The following ODF1 variants were observed in gnomAD, a reference collection of about 807,000 sequenced individuals.
The protein encoded by ODF1 is outer dense fiber of sperm tails 1.
Under a neutral mutation model 24.0 loss-of-function variants are expected in ODF1, and 10 were observed. The observed-to-expected ratio is 0.42, with a 90% confidence interval of 0.26 to 0.71. The LOEUF is 0.71. ODF1 is among the 30% of genes least tolerant of loss of function. The probability of loss-of-function intolerance (pLI) is 0.28; values close to 1 mark genes in which losing one functional copy is unlikely to be tolerated. For missense variants in ODF1, 282 were observed against 307.9 expected (o/e 0.92, Z 0.63); for synonymous variants, 118 against 121.3 (o/e 0.97, Z 0.18).
chr8:102,560,389 C>A, intron 1 of ODF1, 63 bp from the exon 2 acceptor site: 4 of 1,469,110 alleles, frequency 2.7e-6, no homozygotes, highest in Admixed American at 1.8e-5. Flanking sequence ...TATTGCTTCT[C>A]AAGCTGTGTC....
Position 102,560,940 on chromosome 8 carries a change from C to A in ODF1, c.*56C>A. On this transcript the variant is annotated 3_prime_UTR_variant, in exon 2 of 2. Coordinates refer to ENST00000285402, the MANE Select transcript of ODF1 (RefSeq NM_024410.4). ...AGTCAGTTACTCCAGCCAGGCAGCT[C>A]TCCCAATGTTTCTCCTCTCCTTCCC... 1 of 1,488,696 alleles carries A rather than the reference C, an allele frequency of 6.7e-7. No individual in the cohort carries two copies. The allele number at this position is 1,488,696 out of a possible 1,614,324, so 92.2% of individuals were successfully genotyped here.
chr8:102,555,714 ATTCTCT>A (rs1402837875), intron 1 of ODF1, among the ~76,000 whole-genome samples: 2 of 152,172 alleles, frequency 1.3e-5, no homozygotes, highest in African/African-American at 4.8e-5. Context: ...AGTCTCTCTC[ATTCTCT>A]GACCCAGAGG....
Position 102,560,855 on chromosome 8 carries a change from C to T in ODF1, c.724C>T (p.Arg242Ter), listed in dbSNP as rs770254881. The part of the protein sequence containing the change: ...PCNPCYPCGS[R>*]FSCRKMIL ...CAACCCGTGTTATCCCTGTGGAAGC[C>T]GATTTTCCTGTAGGAAGATGATTTT... Residue 242 changes from arginine to a stop codon, truncating the protein, a stop_gained, in exon 2 of 2, where the codon CGA (arginine) becomes TGA (stop). Coordinates refer to ENST00000285402, the MANE Select transcript of ODF1 (RefSeq NM_024410.4). LOFTEE classifies it high-confidence loss of function. 20 of 1,612,212 alleles carry T rather than the reference C, an allele frequency of 1.2e-5. No homozygotes were observed. Among genetic ancestry groups the T allele is most frequent in the South Asian group, 3.3e-5 (3 of 90,954 alleles).
chr8:102,557,087 C>G (rs1056288095), intron 1 of ODF1, among the ~76,000 whole-genome samples: 2 of 152,076 alleles, frequency 1.3e-5, no homozygotes, highest in Admixed American at 6.6e-5. Flanking sequence ...GAGAGGAGGC[C>G]GCACAGAGCA....
At chr8:102,559,193 A>G (rs1231875985) in intron 1 of ODF1, among the ~76,000 whole-genome samples, 1 of 151,558 alleles carries the variant, frequency 6.6e-6, no homozygotes, top group Non-Finnish European at 1.5e-5. Context: ...ACAGATGAGG[A>G]AACTGAGGCA....
Position 102,560,755 on chromosome 8 carries a change from TTGCAGCCCC to T in ODF1, c.647_655del (p.Ser216_Cys218del), listed in dbSNP as rs768552606. On this transcript the variant is annotated inframe_deletion, in exon 2 of 2. Coordinates refer to ENST00000285402, the MANE Select transcript of ODF1 (RefSeq NM_024410.4). ...CTCCTTGCTACCCTTGCACTTCTCCTTGCAGCCCCTGCAGCCCCTGCAGCCCCTGCAACC... is the reference window on the plus strand; with the variant it reads ...CTCCTTGCTACCCTTGCACTTCTCCTTGCAGCCCCTGCAGCCCCTGCAACC... The T allele has an allele frequency of 4.6e-5, 74 of 1,611,574 alleles. No homozygotes were observed. The African/African-American group carries it at 5.6e-4, about 12-fold the overall frequency.
At chr8:102,555,709 C>G (rs1018006481) in intron 1 of ODF1, among the ~76,000 whole-genome samples, 2 of 152,220 alleles carry the variant, frequency 1.3e-5, no homozygotes, top group Non-Finnish European at 2.9e-5. Context: ...ATTCTAGTCT[C>G]TCTCATTCTC....
chr8:102,558,097 C>T (rs1379727418), intron 1 of ODF1, among the ~76,000 whole-genome samples: 1 of 152,152 alleles, frequency 6.6e-6, no homozygotes, highest in African/African-American at 2.4e-5. Flanking sequence ...CCTGGCACAC[C>T]CAGGGCAAGA....
Position 102,560,777 on chromosome 8 carries a change from A to G in ODF1, c.646A>G (p.Ser216Gly). ...TSPCSPCSPCSPCNPCSPCNP... is the reference protein window; with the variant it reads ...TSPCSPCSPCGPCNPCSPCNP... ...TCCTTGCAGCCCCTGCAGCCCCTGCAGCCCCTGCAACCCCTGCAGCCCCTG... is the reference window on the plus strand; with the variant it reads ...TCCTTGCAGCCCCTGCAGCCCCTGCGGCCCCTGCAACCCCTGCAGCCCCTG... The change falls in exon 2 of 2, where the codon AGC becomes GGC. Residue 216 changes from serine (S) to glycine (G), a missense_variant. Ser to Gly is a moderately conservative substitution (Grantham distance 56). Coordinates refer to ENST00000285402, the MANE Select transcript of ODF1 (RefSeq NM_024410.4). The G allele has an allele frequency of 1.4e-6, 1 of 699,340 alleles. No individual in the cohort carries two copies. The highest frequency in any genetic ancestry group is 2.3e-6 in the Non-Finnish European group (1 of 431,858). 43.3% of individuals were successfully genotyped at this position (699,340 alleles called of 1,614,324 possible). A position where few individuals can be genotyped will look rare whatever the true frequency, so the allele number is the denominator to read the frequency against.
In ODF1 at chr8:102,551,687, A is replaced by G. The variant is rs1826041838; in HGVS notation, c.-41A>G. Reference sequence around the variant, plus strand: ...AGAACAAATTTTTTCCCGGAGTGCCATTTCCCAAAGGTACTCACAGAACAA... The same window carrying G: ...AGAACAAATTTTTTCCCGGAGTGCCGTTTCCCAAAGGTACTCACAGAACAA... On this transcript the variant is annotated 5_prime_UTR_variant, in exon 1 of 2. Coordinates refer to ENST00000285402, the MANE Select transcript of ODF1 (RefSeq NM_024410.4). The G allele has an allele frequency of 2.7e-6, 4 of 1,500,854 alleles. No individual in the cohort carries two copies. The highest frequency in any genetic ancestry group is 3.6e-6 in the Non-Finnish European group (4 of 1,118,332). 93.0% of individuals were successfully genotyped at this position (1,500,854 alleles called of 1,614,324 possible). A position where few individuals can be genotyped will look rare whatever the true frequency, so the allele number is the denominator to read the frequency against.
At chr8:102,553,204 TACAAAAAAA>T (rs1314787985) in intron 1 of ODF1, among the ~76,000 whole-genome samples, 2 of 65,678 alleles carry the variant, frequency 3.0e-5, no homozygotes, top group Non-Finnish European at 6.0e-5. Context: ...CTCTACTAAA[TACAAAAAAA>T]AAAAAAAAAA....
chr8:102,557,172 C>T (rs1826122075), intron 1 of ODF1, among the ~76,000 whole-genome samples: 1 of 152,122 alleles, frequency 6.6e-6, no homozygotes, highest in East Asian at 1.9e-4. Context: ...GCTGATTTCC[C>T]TATGTTTATT....
At chr8:102,553,885 A>AT (rs1282537919) in intron 1 of ODF1, among the ~76,000 whole-genome samples, 5 of 151,972 alleles carry the variant, frequency 3.3e-5, no homozygotes, top group South Asian at 2.1e-4. Flanking sequence ...GTCTTTGCCT[A>AT]TTTTTTCTCT....
intron 1 of ODF1, among the ~76,000 whole-genome samples, chr8:102,555,070 G>A (rs1209319453): frequency 2.0e-5 from 3 of 152,206 alleles, no homozygotes; most frequent in African/African-American, 2.4e-5. Context: ...ACCCAAGTAA[G>A]CACCTTTGTT....
At chr8:102,556,517 G>C (rs537922207) in intron 1 of ODF1, among the ~76,000 whole-genome samples, 1 of 151,292 alleles carries the variant, frequency 6.6e-6, no homozygotes, top group Non-Finnish European at 1.5e-5. Context: ...GTGTGATCTC[G>C]GCTCACTGCA....
At position 102,557,528 on chromosome 8, in the gene ODF1, C is replaced by T. The variant is rs149844236; in HGVS notation, c.321-2924C>T. 2.2e-3 allele frequency among the ~76,000 whole-genome samples: 337 copies of T among 152,314 alleles called. 3 individuals carry two copies. Among genetic ancestry groups the T allele is most frequent in the African/African-American group, 7.9e-3 (328 of 41,548 alleles). ...CCAGAATAGAGAAAAAAGAGGAACC[C>T]AAGCAACAAAATACATGAAATTGTG... On this transcript the variant is annotated intron_variant, in intron 1 of 1. Coordinates refer to ENST00000285402, the MANE Select transcript of ODF1 (RefSeq NM_024410.4).
intron 1 of ODF1, among the ~76,000 whole-genome samples, chr8:102,555,432 C>T (rs1184231003): frequency 6.6e-6 from 1 of 152,318 alleles, no homozygotes; most frequent in East Asian, 1.9e-4. Context: ...AGAAACGAAT[C>T]CTGAGACCGT....
intron 1 of ODF1, among the ~76,000 whole-genome samples, chr8:102,557,030 C>T (rs1226521317): frequency 6.6e-6 from 1 of 152,042 alleles, no homozygotes; most frequent in African/African-American, 2.4e-5. Flanking sequence ...GTTTCATATT[C>T]GGGAGTTTGG....
At chr8:102,559,503 C>T (rs1023013646) in intron 1 of ODF1, among the ~76,000 whole-genome samples, 3 of 151,602 alleles carry the variant, frequency 2.0e-5, no homozygotes, top group African/African-American at 7.3e-5. Context: ...AAGCTATCAG[C>T]GTGCAGTACT....
Sources: allele counts gnomAD v4.1 joint callset (sites outside exome capture counted in the v4.1 genomes callset), GRCh38; gene constraint gnomAD v4.1.1; transcripts MANE v1.5; gene names NCBI Gene and HGNC (gene_info 2026-07-23, HGNC 2026-07-21).